The following COQ8A variants were observed in gnomAD, a reference collection of about 807,000 sequenced individuals.
The protein encoded by COQ8A is coenzyme Q8A.
A neutral mutation model predicts 65.0 loss-of-function variants in COQ8A; 51 were observed. The observed-to-expected ratio is 0.78, with a 90% confidence interval of 0.63 to 0.99. The LOEUF (loss-of-function observed/expected upper bound fraction) is 0.99. Among genes scored for constraint, COQ8A ranks in the 50% least tolerant of loss-of-function variants. The pLI is 0.00. For synonymous variants in COQ8A, 371 were observed against 353.2 expected, an observed-to-expected ratio of 1.05 and a Z score of -0.57; for missense variants, 940 against 875.0, an observed-to-expected ratio of 1.07 and a Z score of -0.94.
chr1:226,957,863 G>T (rs1049730779), intron 1 of COQ8A, among the ~76,000 whole-genome samples: 4 of 152,250 alleles, frequency 2.6e-5, no homozygotes, highest in Admixed American at 6.5e-5. Context: ...GGATCCCCGA[G>T]TCGGAGCCTT....
chr1:226,984,256 AGGT>A, intron 11 of COQ8A, 21 bp downstream of exon 11: 1 of 1,612,984 alleles, frequency 6.2e-7, no homozygotes, highest in Non-Finnish European at 8.5e-7. Flanking sequence ...GCCAGCAGAC[AGGT>A]GGGGCCAGGG....
At chr1:226,983,737 C>T (rs1158167381) in intron 9 of COQ8A, 24 bp from the exon 10 acceptor site, 2 of 1,613,072 alleles carry the variant, frequency 1.2e-6, no homozygotes, top group East Asian at 2.2e-5. Context: ...CCCTTCCTCG[C>T]TGATGCCCTC....
chr1:226,966,998 G>A (rs1658610470), intron 4 of COQ8A, among the ~76,000 whole-genome samples: 1 of 152,326 alleles, frequency 6.6e-6, no homozygotes, highest in East Asian at 1.9e-4. Flanking sequence ...GGCATCCACT[G>A]TACTTAGCCA....
intron 5 of COQ8A, among the ~76,000 whole-genome samples, chr1:226,981,212 T>C (rs367829536): frequency 6.6e-6 from 1 of 152,288 alleles, no homozygotes. Context: ...TGCCTCTGGA[T>C]AGGGGCACCT....
intron 1 of COQ8A, among the ~76,000 whole-genome samples, chr1:226,945,928 A>G (rs540309307): frequency 6.6e-5 from 10 of 152,226 alleles, no homozygotes; most frequent in Non-Finnish European, 1.2e-4. Flanking sequence ...TCACTTTTTG[A>G]ACAGGGTGCT....
chr1:226,971,962 C>T (rs369054768), intron 4 of COQ8A, among the ~76,000 whole-genome samples: 3 of 152,310 alleles, frequency 2.0e-5, no homozygotes, highest in East Asian at 3.9e-4. Context: ...TCTGGGACTC[C>T]AATTACACAT....
chr1:226,962,818 A>T (rs771787931), intron 2 of COQ8A, among the ~76,000 whole-genome samples: 19 of 152,170 alleles, frequency 1.2e-4, no homozygotes, highest in Non-Finnish European at 2.6e-4. Context: ...CTGTCCTGGG[A>T]TGGGGGCCAG....
rs200762439 is a variant in COQ8A at position 226,965,409 on chromosome 1, C to T, written c.587C>T (p.Thr196Met). 1.5e-5 allele frequency: 24 copies of T among 1,608,102 alleles called. 1 individual carries two copies. The highest frequency in any genetic ancestry group is 1.7e-4 in the Middle Eastern group (1 of 6,042). The change falls in exon 3 of 15, where the codon ACG becomes ATG. Residue 196 changes from threonine (T) to methionine (M), a missense_variant and splice_region_variant. Physicochemically the swap from Thr to Met is moderately conservative, Grantham distance 81. Transcript: ENST00000366777. ...CCCGAGAACAAGCAGCACAAACAGA[C>T]GGTGCGTATGGGAGGCCCCTGGAGG... ...ARPENKQHKQTLSEHARERKV... is the reference protein window; with the variant it reads ...ARPENKQHKQMLSEHARERKV...
chr1:226,962,652 C>T (rs1227145000), intron 2 of COQ8A, among the ~76,000 whole-genome samples: 1 of 152,186 alleles, frequency 6.6e-6, no homozygotes, highest in African/African-American at 2.4e-5. Flanking sequence ...GTGAGGCCGT[C>T]GCAGCCCCCA....
intron 1 of COQ8A, among the ~76,000 whole-genome samples, chr1:226,959,081 C>T (rs936986254): frequency 6.6e-6 from 1 of 152,184 alleles, no homozygotes; most frequent in African/African-American, 2.4e-5. Flanking sequence ...ATTGTGGGAT[C>T]GTTGAATTAT....
chr1:226,975,855 G>A (rs573976659), intron 4 of COQ8A, among the ~76,000 whole-genome samples: 1 of 152,284 alleles, frequency 6.6e-6, no homozygotes, highest in South Asian at 2.1e-4. Context: ...TTTAAAAATT[G>A]AGTTGTCTTC....
chr1:226,982,792 C>T (rs1342341463), intron 7 of COQ8A, 29 bp downstream of exon 7: 2 of 1,613,138 alleles, frequency 1.2e-6, no homozygotes, highest in East Asian at 2.2e-5. Flanking sequence ...TGCCCACTCT[C>T]TGTGGCCTCG....
intron 4 of COQ8A, among the ~76,000 whole-genome samples, chr1:226,975,961 T>C (rs1659167933): frequency 6.6e-6 from 1 of 152,250 alleles, no homozygotes; most frequent in African/African-American, 2.4e-5. Context: ...TTTGGAAACA[T>C]GCAAGCAGAT....
chr1:226,977,846 ACAC>A (rs1371301534), intron 5 of COQ8A, among the ~76,000 whole-genome samples: 21 of 151,272 alleles, frequency 1.4e-4, no homozygotes, highest in African/African-American at 4.9e-4. Context: ...GAACACCCAC[ACAC>A]AACCCCTGCA....
intron 2 of COQ8A, among the ~76,000 whole-genome samples, chr1:226,964,652 T>C (rs2148060334): frequency 6.6e-6 from 1 of 152,336 alleles, no homozygotes; most frequent in Middle Eastern, 3.4e-3. Flanking sequence ...TTTTGCGCCC[T>C]GGTTTACCAT....
At chr1:226,962,568 G>C (rs749144958) in intron 2 of COQ8A, among the ~76,000 whole-genome samples, 2 of 152,190 alleles carry the variant, frequency 1.3e-5, no homozygotes, top group Non-Finnish European at 2.9e-5. Context: ...AGGTTGTGTC[G>C]CAGCTTCTCT....
intron 1 of COQ8A, among the ~76,000 whole-genome samples, chr1:226,956,506 A>C (rs1226845762): frequency 4.1e-5 from 4 of 97,316 alleles, no homozygotes; most frequent in African/African-American, 9.6e-5. Context: ...TCCCTGGTTC[A>C]CACTCTCCCT....
chr1:226,962,516 C>T (rs769597883), intron 2 of COQ8A, among the ~76,000 whole-genome samples: 8 of 152,320 alleles, frequency 5.3e-5, no homozygotes, highest in Non-Finnish European at 1.0e-4. Flanking sequence ...GCCTGTTGCG[C>T]GTGTGCACCT....
Position 226,977,441 on chromosome 1 carries a change from C to T in COQ8A, c.656-8C>T. 1.9e-6 allele frequency: 3 copies of T among 1,558,312 alleles called. No homozygotes were observed. Among genetic ancestry groups the T allele is most frequent in the Non-Finnish European group, 2.6e-6 (3 of 1,151,288 alleles). Reference sequence around the variant, plus strand: ...GAGCACTGAGTGCCCGCCCCCTCCTCCTTGCAGGTCTGGCCGTGGGCCTGG... The same window carrying T: ...GAGCACTGAGTGCCCGCCCCCTCCTTCTTGCAGGTCTGGCCGTGGGCCTGG... On this transcript the variant is annotated splice_polypyrimidine_tract_variant and splice_region_variant and intron_variant, in intron 4 of 14. Transcript: ENST00000366777.
Sources: allele counts gnomAD v4.1 joint callset (sites outside exome capture counted in the v4.1 genomes callset), GRCh38; gene constraint gnomAD v4.1.1; transcripts MANE v1.5; gene names NCBI Gene and HGNC (gene_info 2026-07-23, HGNC 2026-07-21).